The following USP12 variants were observed in gnomAD, a reference collection of about 807,000 sequenced individuals.
USP12 encodes the protein ubiquitin specific peptidase 12.
Under a neutral mutation model 45.5 loss-of-function variants are expected in USP12, and 19 were observed. That is an observed-to-expected ratio of 0.42 (90% CI 0.29 to 0.61). USP12 has a LOEUF of 0.61. Among genes scored for constraint, USP12 ranks in the 20% least tolerant of loss-of-function variants. The pLI is 0.22. For missense variants in USP12, 242 were observed against 447.7 expected (o/e 0.54, Z 4.15); for synonymous variants, 149 against 148.8 (o/e 1.00, Z -0.01).
intron 6 of USP12, among the ~76,000 whole-genome samples, chr13:27,080,065 G>A (rs1873679771): frequency 6.6e-6 from 1 of 152,198 alleles, no homozygotes; most frequent in South Asian, 2.1e-4. Flanking sequence ...ATGGGTCACA[G>A]GCACAAATGA....
At chr13:27,074,935 A>C (rs892139754) in intron 7 of USP12, among the ~76,000 whole-genome samples, 6 of 152,216 alleles carry the variant, frequency 3.9e-5, no homozygotes, top group Non-Finnish European at 7.3e-5. Context: ...AAACTAACAG[A>C]TCTCAAAGTT....
At chr13:27,089,840 A>C (rs1420993471) in intron 6 of USP12, 43 bp downstream of exon 6, 7 of 1,584,430 alleles carry the variant, frequency 4.4e-6, no homozygotes, top group Non-Finnish European at 6.0e-6. Context: ...CATCAATTAC[A>C]AAAAATAAAA....
intron 2 of USP12, among the ~76,000 whole-genome samples, chr13:27,110,693 A>G (rs1315269478): frequency 6.6e-6 from 1 of 152,206 alleles, no homozygotes; most frequent in African/African-American, 2.4e-5. Context: ...ACTTCAATGA[A>G]CCCTACCCAG....
intron 1 of USP12, chr13:27,168,963 T>C (rs543414945): frequency 6.6e-6 from 1 of 152,354 alleles, no homozygotes; most frequent in East Asian, 1.9e-4. Context: ...GTGTTCTGTT[T>C]AAGTCCAGCC....
chr13:27,086,386 G>A (rs992501703), intron 6 of USP12, among the ~76,000 whole-genome samples: 26 of 149,986 alleles, frequency 1.7e-4, no homozygotes, highest in Non-Finnish European at 3.0e-4. Flanking sequence ...AAAAAGTTTC[G>A]AACTTGTACA....
At chr13:27,137,090 T>C (rs1268368457) in intron 1 of USP12, among the ~76,000 whole-genome samples, 1 of 152,210 alleles carries the variant, frequency 6.6e-6, no homozygotes, top group African/African-American at 2.4e-5. Flanking sequence ...GTGAACAAAC[T>C]GCATTTGTTC....
At chr13:27,120,596 T>TAGGCAACA (rs1181643016) in intron 1 of USP12, among the ~76,000 whole-genome samples, 8 of 146,032 alleles carry the variant, frequency 5.5e-5, no homozygotes, top group African/African-American at 7.6e-5. Context: ...CACTCCAGCC[T>TAGGCAACA]AGGCAACAAG....
chr13:27,097,984 CTT>C (rs71083630), intron 3 of USP12, among the ~76,000 whole-genome samples: 1,539 of 116,592 alleles, frequency 0.013, 26 homozygotes, highest in African/African-American at 0.037. Flanking sequence ...TTATATAGTA[CTT>C]TTTTTTTTTT....
At chr13:27,121,452 A>G (rs1875980994) in intron 1 of USP12, among the ~76,000 whole-genome samples, 1 of 152,216 alleles carries the variant, frequency 6.6e-6, no homozygotes, top group South Asian at 2.1e-4. Context: ...AAGAATTCCT[A>G]CAAATACAAG....
intron 1 of USP12, among the ~76,000 whole-genome samples, chr13:27,139,642 G>C (rs1876969207): frequency 6.6e-6 from 1 of 152,092 alleles, no homozygotes; most frequent in African/African-American, 2.4e-5. Context: ...AGTCACTCTT[G>C]TATAAACTGA....
In USP12 at chr13:27,169,263, A is replaced by G. The variant is rs370771962; in HGVS notation, c.48+2329T>C. 81 of 152,340 alleles carry G rather than the reference A, an allele frequency of 5.3e-4. 1 individual carries two copies. Among genetic ancestry groups the G allele is most frequent in the African/African-American group, 1.9e-3 (78 of 41,562 alleles). The allele number at this position is 152,340 out of a possible 1,614,324, so 9.4% of individuals were successfully genotyped here. On this transcript the variant is annotated intron_variant, in intron 1 of 8. Transcript: ENST00000282344. ...ATGGAGGGTCGGGTTGGACAGGGGT[A>G]GGATTATTCAAGTAAGGCTCCCTGC... is the stretch of plus-strand genomic sequence containing the variant.
At chr13:27,112,366 G>C (rs899003053) in intron 2 of USP12, among the ~76,000 whole-genome samples, 12 of 150,168 alleles carry the variant, frequency 8.0e-5, no homozygotes, top group Admixed American at 4.0e-4. Context: ...GCTCACTGCA[G>C]CCTCAACCTC....
chr13:27,113,202 G>A lies in USP12; in HGVS notation c.129+3314C>T, dbSNP rs1255315962. Among the ~76,000 whole-genome samples, 6 of 152,108 alleles carry A rather than the reference G, an allele frequency of 3.9e-5. No homozygotes were observed. In the East Asian group the frequency reaches 1.2e-3, roughly 29 times the overall value. On this transcript the variant is annotated intron_variant, in intron 2 of 8. Transcript: ENST00000282344. Reference sequence around the variant, plus strand: ...TGAGCCAGGGAGGCGAAACTGCAGTGAGCCATGATCACTCACTGCACTCCA... The same window carrying A: ...TGAGCCAGGGAGGCGAAACTGCAGTAAGCCATGATCACTCACTGCACTCCA...
At position 27,071,099 on chromosome 13, in the gene USP12, C is replaced by T; in HGVS notation, c.983G>A (p.Trp328Ter). ...TACAATGTCGTCATCAAACAACAAC[C>T]AAAAATCATGACTCTTAACTATTGC... is the stretch of plus-strand genomic sequence containing the variant. ...YIAIVKSHDF[W>*]LLFDDDIVEK... Residue 328 changes from tryptophan (W) to a stop codon, truncating the protein, a stop_gained, in exon 8 of 9, where the codon TGG (tryptophan) becomes TAG (stop). Transcript: ENST00000282344. LOFTEE classifies it high-confidence loss of function. 6.2e-7 allele frequency: 1 copy of T among 1,608,886 alleles called. No individual in the cohort carries two copies. The highest frequency in any genetic ancestry group is 8.5e-7 in the Non-Finnish European group (1 of 1,178,570).
chr13:27,069,141 CT>C lies in USP12; in HGVS notation c.*141del. The stretch of plus-strand genomic sequence containing the variant: ...TCGGAAGGGCTTGTCAATCCATCGT[CT>C]TTGCTTTATCGTGTGCAAAGTGTGC... On this transcript the variant is annotated 3_prime_UTR_variant, in exon 9 of 9. Coordinates refer to ENST00000282344, the MANE Select transcript of USP12 (RefSeq NM_182488.4). 4.4e-6 allele frequency: 3 copies of C among 688,836 alleles called. No individual in the cohort carries two copies. Among genetic ancestry groups the C allele is most frequent in the Non-Finnish European group, 7.6e-6 (3 of 392,662 alleles). 42.7% of individuals were successfully genotyped at this position (688,836 alleles called of 1,614,324 possible).
chr13:27,070,557 C>CTT (rs370430441), intron 8 of USP12, among the ~76,000 whole-genome samples: 17 of 137,166 alleles, frequency 1.2e-4, no homozygotes, highest in Non-Finnish European at 1.9e-4. Context: ...TTGTTTTATT[C>CTT]TTTTTTTTTT....
chr13:27,163,660 T>C (rs1450686406), intron 1 of USP12, among the ~76,000 whole-genome samples: 1 of 148,770 alleles, frequency 6.7e-6, no homozygotes, highest in African/African-American at 2.5e-5. Flanking sequence ...AATACAGACA[T>C]AGCCAGGTGC....
chr13:27,126,857 T>C (rs1271971302), intron 1 of USP12, among the ~76,000 whole-genome samples: 2 of 152,234 alleles, frequency 1.3e-5, no homozygotes, highest in African/African-American at 4.8e-5. Context: ...GGCTTGTTTC[T>C]GTGAAAAATG....
chr13:27,152,775 T>C (rs1017040319), intron 1 of USP12, among the ~76,000 whole-genome samples: 52 of 152,030 alleles, frequency 3.4e-4, no homozygotes, highest in African/African-American at 1.2e-3. Flanking sequence ...ACCCCGTCTC[T>C]ACTAAAAATA....
Sources: allele counts gnomAD v4.1 joint callset (sites outside exome capture counted in the v4.1 genomes callset), GRCh38; gene constraint gnomAD v4.1.1; transcripts MANE v1.5; gene names NCBI Gene and HGNC (gene_info 2026-07-23, HGNC 2026-07-21).